The following SYT1 variants were observed in gnomAD, a reference collection of about 807,000 sequenced individuals.
SYT1 encodes synaptotagmin 1, also known as synaptotagmin-1.
In SYT1, 8 loss-of-function variants were observed where a neutral mutation model predicts 44.8. The observed-to-expected ratio is 0.18, with a 90% CI of 0.10 to 0.32. The LOEUF (loss-of-function observed/expected upper bound fraction) is 0.32, where lower values mean the gene tolerates loss of function less well. SYT1 is among the 10% of genes least tolerant of loss of function. The pLI is 1.00. For synonymous variants in SYT1, 154 were observed against 188.8 expected, an observed-to-expected ratio of 0.82 and a Z score of 1.51; for missense variants, 286 against 509.3, an observed-to-expected ratio of 0.56 and a Z score of 4.22.
chr12:79,073,960 T>C (rs1005760381), intron 3 of SYT1, among the ~76,000 whole-genome samples: 8 of 152,184 alleles, frequency 5.3e-5, no homozygotes, highest in African/African-American at 1.9e-4. Flanking sequence ...GTTGTCAATT[T>C]TGATCATTTG....
intron 8 of SYT1, among the ~76,000 whole-genome samples, chr12:79,326,655 A>G (rs2138997910): frequency 6.6e-6 from 1 of 152,362 alleles, no homozygotes; most frequent in East Asian, 1.9e-4. Flanking sequence ...AGTGTCTTTC[A>G]ACCCACAGAT....
chr12:79,229,322 C>T (rs1294520037), intron 4 of SYT1, among the ~76,000 whole-genome samples: 1 of 152,138 alleles, frequency 6.6e-6, no homozygotes, highest in Non-Finnish European at 1.5e-5. Flanking sequence ...GTGCCATGCT[C>T]GGAGAAACTG....
chr12:79,444,281 T>TGTAA, intron 10 of SYT1, 75 bp downstream of exon 10: 1 of 1,565,536 alleles, frequency 6.4e-7, no homozygotes, highest in South Asian at 1.2e-5. Flanking sequence ...ACACAGACCT[T>TGTAA]GTAAGTTATC....
chr12:79,067,607 C>T (rs1875962766), intron 3 of SYT1, among the ~76,000 whole-genome samples: 1 of 152,064 alleles, frequency 6.6e-6, no homozygotes, highest in African/African-American at 2.4e-5. Flanking sequence ...AAACAAGTAA[C>T]TAATGCAAGT....
intron 4 of SYT1, among the ~76,000 whole-genome samples, chr12:79,244,454 C>G (rs1876699858): frequency 6.6e-6 from 1 of 152,054 alleles, no homozygotes; most frequent in South Asian, 2.1e-4. Context: ...GCCTGTAATC[C>G]CAGCACTTTG....
chr12:79,425,134 T>C (rs548900039), intron 9 of SYT1, among the ~76,000 whole-genome samples: 1 of 152,088 alleles, frequency 6.6e-6, no homozygotes, highest in South Asian at 2.1e-4. Context: ...TATTATGGCA[T>C]TTTTATATTT....
intron 1 of SYT1, among the ~76,000 whole-genome samples, chr12:78,892,783 A>G (rs898521789): frequency 5.3e-5 from 8 of 151,834 alleles, no homozygotes; most frequent in Non-Finnish European, 8.8e-5. Flanking sequence ...CAAGGGAAAA[A>G]GTTTAATGAC....
chr12:79,113,446 T>TA (rs1441978898), intron 3 of SYT1, among the ~76,000 whole-genome samples: 1 of 152,062 alleles, frequency 6.6e-6, no homozygotes, highest in Non-Finnish European at 1.5e-5. Context: ...AAAAAATTCT[T>TA]AGAGTTATAA....
chr12:79,258,899 G>A (rs1223949479), intron 4 of SYT1, among the ~76,000 whole-genome samples: 1 of 152,144 alleles, frequency 6.6e-6, no homozygotes, highest in Non-Finnish European at 1.5e-5. Context: ...TAATGAAAAA[G>A]GCTGAATACA....
At chr12:79,257,738 C>A (rs372347630) in intron 4 of SYT1, among the ~76,000 whole-genome samples, 2 of 152,294 alleles carry the variant, frequency 1.3e-5, no homozygotes, top group East Asian at 3.9e-4. Context: ...CCGCTCGCCT[C>A]GGCCTCCCAA....
chr12:79,308,994 C>A (rs1230429892), intron 8 of SYT1, among the ~76,000 whole-genome samples: 1 of 152,214 alleles, frequency 6.6e-6, no homozygotes, highest in Non-Finnish European at 1.5e-5. Flanking sequence ...AGTATGAGTG[C>A]TGGCAGACCA....
chr12:78,921,018 A>G (rs1551845), intron 1 of SYT1, among the ~76,000 whole-genome samples: 23,075 of 151,794 alleles, frequency 0.15, 2,204 homozygotes, highest in South Asian at 0.31. Flanking sequence ...TTTGAAGGTG[A>G]GGCATTGATT....
intron 9 of SYT1, among the ~76,000 whole-genome samples, chr12:79,441,479 T>A (rs754360638): frequency 6.6e-6 from 1 of 152,116 alleles, no homozygotes; most frequent in Non-Finnish European, 1.5e-5. Flanking sequence ...CACGCCTGGC[T>A]AATTTTTGTA....
intron 9 of SYT1, among the ~76,000 whole-genome samples, chr12:79,408,088 T>C (rs1008592439): frequency 4.6e-5 from 7 of 152,146 alleles, no homozygotes; most frequent in Non-Finnish European, 7.4e-5. Context: ...AAAGCAAATG[T>C]ATGCACAGGC....
Position 79,245,240 on chromosome 12 carries a change from C to T in SYT1, c.166+27555C>T, listed in dbSNP as rs372857188. Among the ~76,000 whole-genome samples the T allele has an allele frequency of 1.2e-4, 18 of 147,552 alleles. No homozygotes were observed. The East Asian group carries it at 2.0e-3, about 17-fold the overall frequency. On this transcript the variant is annotated intron_variant, in intron 4 of 10. Coordinates refer to ENST00000261205, the MANE Select transcript of SYT1 (RefSeq NM_005639.3). ...CAGCACTTTGGAAGGCCGAGGCGGGCGGATCACGAGGTGAGGAGATCCTGA... is the reference window on the plus strand; with the variant it reads ...CAGCACTTTGGAAGGCCGAGGCGGGTGGATCACGAGGTGAGGAGATCCTGA...
At chr12:78,952,366 C>T (rs750845913) in intron 1 of SYT1, among the ~76,000 whole-genome samples, 3 of 152,094 alleles carry the variant, frequency 2.0e-5, no homozygotes, top group Non-Finnish European at 4.4e-5. Flanking sequence ...GATGATTCAT[C>T]ATCCAGCCTC....
chr12:79,365,330 C>T (rs559292771), intron 9 of SYT1, among the ~76,000 whole-genome samples: 13 of 151,820 alleles, frequency 8.6e-5, no homozygotes, highest in Non-Finnish European at 1.2e-4. Flanking sequence ...TCCCTTTGTT[C>T]GAATGTATCA....
chr12:79,083,567 G>A (rs531215684), intron 3 of SYT1, among the ~76,000 whole-genome samples: 16 of 152,142 alleles, frequency 1.1e-4, no homozygotes, highest in African/African-American at 3.1e-4. Flanking sequence ...TTTTTAAAAA[G>A]CAAATTGCTA....
At chr12:79,144,423 A>G (rs1384812050) in intron 3 of SYT1, among the ~76,000 whole-genome samples, 2 of 152,228 alleles carry the variant, frequency 1.3e-5, no homozygotes, top group Non-Finnish European at 2.9e-5. Context: ...CCAGAAGGGC[A>G]TGTCTCAGCA....
Sources: gnomAD v4.1 joint callset for allele counts (sites outside exome capture counted in the v4.1 genomes callset) on GRCh38, gnomAD v4.1.1 for gene constraint, MANE v1.5 for transcripts, NCBI Gene and HGNC (gene_info 2026-07-23, HGNC 2026-07-21) for gene names.